The following TGFBRAP1 variants were observed in gnomAD, a reference collection of about 807,000 sequenced individuals.
TGFBRAP1 encodes transforming growth factor-beta receptor-associated protein 1.
In TGFBRAP1, 20 loss-of-function variants were observed where a neutral mutation model predicts 83.2. That is an observed-to-expected ratio of 0.24 (90% confidence interval 0.17 to 0.35). The LOEUF (loss-of-function observed/expected upper bound fraction) is 0.35, where lower values mean the gene tolerates loss of function less well. Among genes scored for constraint, TGFBRAP1 ranks in the 10% least tolerant of loss-of-function variants. The pLI is 1.00. For synonymous variants in TGFBRAP1, 415 were observed against 459.8 expected (o/e 0.90, Z 1.25); for missense variants, 950 against 1,099.4 (o/e 0.86, Z 1.92).
intron 1 of TGFBRAP1, among the ~76,000 whole-genome samples, chr2:105,315,520 A>G (rs1350923665): frequency 1.3e-5 from 2 of 152,228 alleles, no homozygotes; most frequent in Non-Finnish European, 2.9e-5. Context: ...ACAAACTAAT[A>G]ACAAGAAGAC....
At position 105,294,270 on chromosome 2, in the gene TGFBRAP1, A is replaced by C. The variant is rs188802781; in HGVS notation, c.1038+2086T>G. Among the ~76,000 whole-genome samples the C allele has an allele frequency of 5.9e-5, 9 of 152,142 alleles. No individual in the cohort carries two copies. The East Asian group carries it at 1.7e-3, about 29-fold the overall frequency. On this transcript the variant is annotated intron_variant, in intron 4 of 11. Transcript: ENST00000393359. ...CTTTGTCTTCCACCCTTTGAGGCAG[A>C]AATGTAGAATGTAGGCATGTGCTTC...
intron 1 of TGFBRAP1, among the ~76,000 whole-genome samples, chr2:105,313,874 T>G (rs1377153256): frequency 1.3e-5 from 2 of 151,744 alleles, no homozygotes; most frequent in Non-Finnish European, 2.9e-5. Context: ...TAAATTAAAT[T>G]TTAAAATCTT....
intron 7 of TGFBRAP1, among the ~76,000 whole-genome samples, chr2:105,276,219 G>A (rs1339992944): frequency 6.6e-6 from 1 of 152,158 alleles, no homozygotes; most frequent in African/African-American, 2.4e-5. Flanking sequence ...TTTGCACAGG[G>A]GGCTCAGGAT....
intron 4 of TGFBRAP1, among the ~76,000 whole-genome samples, chr2:105,292,216 A>G (rs1439951068): frequency 6.6e-6 from 1 of 152,220 alleles, no homozygotes; most frequent in African/African-American, 2.4e-5. Flanking sequence ...GAACTAAGAA[A>G]CCAAATAGCA....
chr2:105,269,817 C>T lies in TGFBRAP1; in HGVS notation c.1973-112G>A. 1.7e-6 allele frequency: 2 copies of T among 1,206,900 alleles called. No individual in the cohort carries two copies. Among genetic ancestry groups the T allele is most frequent in the South Asian group, 1.8e-5 (1 of 56,596 alleles). The allele number at this position is 1,206,900 out of a possible 1,614,324, so 74.8% of individuals were successfully genotyped here. On this transcript the variant is annotated intron_variant, in intron 10 of 11. Coordinates refer to ENST00000393359, the MANE Select transcript of TGFBRAP1 (RefSeq NM_004257.6). This position sits in a 1 kb window ranked among gnomAD's most constrained non-coding sequence, Gnocchi z 4.1. The stretch of plus-strand genomic sequence containing the variant: ...GGAGGGGAAAAGTCAACCTGGCTCC[C>T]TCACAATGCCAAATGCTGCCACCCA...
chr2:105,292,543 A>C (rs1426409219), intron 4 of TGFBRAP1, among the ~76,000 whole-genome samples: 1 of 151,792 alleles, frequency 6.6e-6, no homozygotes, highest in African/African-American at 2.4e-5. Flanking sequence ...AATACAACAC[A>C]AACATTCACA....
At chr2:105,313,339 A>ACAAGGC (rs1327448839) in intron 1 of TGFBRAP1, among the ~76,000 whole-genome samples, 1 of 152,212 alleles carries the variant, frequency 6.6e-6, no homozygotes, top group Non-Finnish European at 1.5e-5. Context: ...TTTTCACAGC[A>ACAAGGC]CAAGGCCAAG....
At chr2:105,257,820 G>A in the TGFBRAP1 span, among the ~76,000 whole-genome samples, 4 of 152,124 alleles carry the variant, frequency 2.6e-5, no homozygotes, top group Non-Finnish European at 5.9e-5. Flanking sequence ...AGACCAACAA[G>A]CAAAGCTCCT....
At chr2:105,262,839 A>T (rs1013208021), downstream of TGFBRAP1, among the ~76,000 whole-genome samples, 4 of 152,222 alleles carry the variant, frequency 2.6e-5, no homozygotes, top group Non-Finnish European at 5.9e-5. Context: ...CATTAATTCA[A>T]GTGCTTATCT....
Position 105,308,062 on chromosome 2 carries a change from G to A in TGFBRAP1, c.240C>T (p.Asn80=), listed in dbSNP as rs771969492. 8.1e-6 allele frequency: 13 copies of A among 1,613,696 alleles called. No individual in the cohort carries two copies. Among genetic ancestry groups the A allele is most frequent in the African/African-American group, 1.3e-5 (1 of 74,902 alleles). The change falls in exon 2 of 12, where the codon AAC becomes AAT. Residue 80 remains asparagine (N), a synonymous_variant. Coordinates refer to ENST00000393359, the MANE Select transcript of TGFBRAP1 (RefSeq NM_004257.6). The part of the protein sequence containing the change: ...QRHLGFKKPV[N]ELRAASALNR... ...TGAGTGCTGAGGCCGCACGCAGCTCGTTCACGGGCTTCTTGAAGCCCAAGT... is the reference window on the plus strand; with the variant it reads ...TGAGTGCTGAGGCCGCACGCAGCTCATTCACGGGCTTCTTGAAGCCCAAGT...
chr2:105,329,549 T>C (rs1679310543), intron 1 of TGFBRAP1, 76 bp downstream of exon 1: 2 of 103,076 alleles, frequency 1.9e-5, no homozygotes, highest in African/African-American at 7.2e-5. Context: ...CCCCCACTCC[T>C]GCTCCCCGCC....
the TGFBRAP1 span, among the ~76,000 whole-genome samples, chr2:105,255,503 TA>T: frequency 2.0e-5 from 3 of 152,192 alleles, no homozygotes; most frequent in Non-Finnish European, 4.4e-5. Context: ...TTACTTTTTG[TA>T]AAGATGAGGT....
intron 2 of TGFBRAP1, among the ~76,000 whole-genome samples, chr2:105,301,358 G>A (rs1337111204): frequency 6.6e-6 from 1 of 152,198 alleles, no homozygotes; most frequent in Non-Finnish European, 1.5e-5. Flanking sequence ...GCTGAGGCGG[G>A]TGGATCACTT....
chr2:105,324,254 T>G (rs1397077715), intron 1 of TGFBRAP1: 1 of 152,206 alleles, frequency 6.6e-6, no homozygotes, highest in Non-Finnish European at 1.5e-5. Context: ...TAAAGTGTAT[T>G]CATGAATTCT....
chr2:105,311,908 CAAAAAA>C (rs879619148), intron 1 of TGFBRAP1, among the ~76,000 whole-genome samples: 1 of 138,092 alleles, frequency 7.2e-6, no homozygotes, highest in Non-Finnish European at 1.6e-5. Context: ...AACTCCATCT[CAAAAAA>C]AAAAAATTAA....
At chr2:105,294,941 A>G (rs2679885) in intron 4 of TGFBRAP1, among the ~76,000 whole-genome samples, 51,946 of 151,906 alleles carry the variant, frequency 0.34, 9,063 homozygotes, top group South Asian at 0.4. Flanking sequence ...ATCCACCGAG[A>G]GCAGCTTGCA....
the TGFBRAP1 span, among the ~76,000 whole-genome samples, chr2:105,256,730 G>C: frequency 6.6e-6 from 1 of 152,296 alleles, no homozygotes; most frequent in Admixed American, 6.5e-5. Flanking sequence ...TCTTGAATAA[G>C]AGCTGGGTAA....
At chr2:105,321,999 G>C (rs1405421807) in intron 1 of TGFBRAP1, among the ~76,000 whole-genome samples, 1 of 152,118 alleles carries the variant, frequency 6.6e-6, no homozygotes, top group Non-Finnish European at 1.5e-5. Flanking sequence ...CCTTCAGGAG[G>C]ACTCCAGAAG....
At chr2:105,288,699 A>G (rs932204431) in intron 4 of TGFBRAP1, among the ~76,000 whole-genome samples, 2 of 152,184 alleles carry the variant, frequency 1.3e-5, no homozygotes, top group Admixed American at 1.3e-4. Flanking sequence ...TTATTAAAAA[A>G]CCATGTAAGT....
Sources: gnomAD v4.1 joint callset for allele counts (sites outside exome capture counted in the v4.1 genomes callset) on GRCh38, gnomAD v4.1.1 for gene constraint, Gnocchi (gnomAD v3.1) non-coding constraint, MANE v1.5 for transcripts, NCBI Gene and HGNC (gene_info 2026-07-23, HGNC 2026-07-21) for gene names.